KIRREL3: variants seen among roughly 807,000 people sequenced by gnomAD.
The protein encoded by KIRREL3 is kin of IRRE-like protein 3.
In KIRREL3, 36 loss-of-function variants were observed where a neutral mutation model predicts 89.7. The ratio of observed to expected loss-of-function variants is 0.40; its 90% CI spans 0.31 to 0.53. KIRREL3 has a LOEUF of 0.53. Among genes scored for constraint, KIRREL3 ranks in the 20% least tolerant of loss-of-function variants. KIRREL3 has a pLI of 0.49. For synonymous variants in KIRREL3, 445 were observed against 441.4 expected, an observed-to-expected ratio of 1.01 and a Z score of -0.10; for missense variants, 864 against 1,056.6, an observed-to-expected ratio of 0.82 and a Z score of 2.53.
chr11:126,580,046 C>T (rs1385256544), intron 1 of KIRREL3, among the ~76,000 whole-genome samples: 8 of 151,990 alleles, frequency 5.3e-5, no homozygotes, highest in African/African-American at 1.5e-4. Flanking sequence ...GGGGTTTCAC[C>T]GTGTTAGCCA....
intron 11 of KIRREL3, among the ~76,000 whole-genome samples, chr11:126,439,141 G>A (rs1591533027): frequency 6.6e-6 from 1 of 152,074 alleles, no homozygotes; most frequent in East Asian, 1.9e-4. Flanking sequence ...GACCAGCTTG[G>A]CCAACATGGT....
intron 1 of KIRREL3, among the ~76,000 whole-genome samples, chr11:126,679,463 G>A (rs1206616758): frequency 1.3e-5 from 2 of 152,186 alleles, no homozygotes; most frequent in Admixed American, 6.5e-5. Flanking sequence ...CTTTAAGGGA[G>A]CTACTATGAC....
At chr11:126,670,016 C>T (rs375246592) in intron 1 of KIRREL3, among the ~76,000 whole-genome samples, 1 of 152,164 alleles carries the variant, frequency 6.6e-6, no homozygotes, top group African/African-American at 2.4e-5. Context: ...CATTCCTTCT[C>T]CCAGCACATT....
intron 1 of KIRREL3, among the ~76,000 whole-genome samples, chr11:126,633,080 TA>T (rs1299903753): frequency 2.0e-5 from 3 of 151,766 alleles, no homozygotes; most frequent in African/African-American, 7.3e-5. Flanking sequence ...AGACCCTGTC[TA>T]AAAAAAATAA....
chr11:126,622,611 C>A lies in KIRREL3; in HGVS notation c.56-59699G>T, dbSNP rs769463658. Among the ~76,000 whole-genome samples the A allele has an allele frequency of 6.6e-6, 1 of 152,182 alleles. No individual in the cohort carries two copies. Among genetic ancestry groups the A allele is most frequent in the Non-Finnish European group, 1.5e-5 (1 of 68,028 alleles). ...GGCTGAGGCAGAAGAATCACTTGAA[C>A]CCTGGAGGCGGAGGTTGCAGTGAGC... On this transcript the variant is annotated intron_variant, in intron 1 of 16. Coordinates refer to ENST00000525144, the MANE Select transcript of KIRREL3 (RefSeq NM_032531.4). This position sits in a 1 kb window ranked among gnomAD's most constrained non-coding sequence, Gnocchi z 5.2.
rs1170097478 is a variant in KIRREL3, at chr11:126,878,198, A to G, written c.55+122257T>C. On this transcript the variant is annotated intron_variant, in intron 1 of 16. Transcript: ENST00000525144. ...TTCAGATTGAACATCCCATAAGCAC[A>G]TCAAAAACTCCCTGTAGGACATTTA... Among the ~76,000 whole-genome samples the G allele has an allele frequency of 2.0e-5, 3 of 152,226 alleles. No homozygotes were observed. In the East Asian group the frequency reaches 5.8e-4, roughly 29 times the overall value.
At chr11:126,712,432 C>T (rs946336299) in intron 1 of KIRREL3, among the ~76,000 whole-genome samples, 1 of 152,248 alleles carries the variant, frequency 6.6e-6, no homozygotes, top group Admixed American at 6.5e-5. Flanking sequence ...CGAAAGGCCA[C>T]GCCTCTTCAA....
In KIRREL3 at chr11:126,991,180, T is replaced by C. The variant is rs1950024375; in HGVS notation, c.55+9275A>G. Among the ~76,000 whole-genome samples, 1 of 152,176 alleles carries C rather than the reference T, an allele frequency of 6.6e-6. No individual in the cohort carries two copies. The highest frequency in any genetic ancestry group is 1.9e-4 in the East Asian group (1 of 5,194). On this transcript the variant is annotated intron_variant, in intron 1 of 16. Coordinates refer to ENST00000525144, the MANE Select transcript of KIRREL3 (RefSeq NM_032531.4). This position sits in a 1 kb window ranked among gnomAD's most constrained non-coding sequence, Gnocchi z 5.8. ...GTTGTCTCTGGTGACCCAAAGGGCA[T>C]TCAAAGCCTTCCAGAAAGGAACAAC... is the stretch of plus-strand genomic sequence containing the variant.
In KIRREL3 at chr11:126,981,713, T is replaced by A. The variant is rs892176009; in HGVS notation, c.55+18742A>T. On this transcript the variant is annotated intron_variant, in intron 1 of 16. Coordinates refer to ENST00000525144, the MANE Select transcript of KIRREL3 (RefSeq NM_032531.4). This position sits in a 1 kb window ranked among gnomAD's most constrained non-coding sequence, Gnocchi z 4.2. ...ATGCACCCCCATCCTTGGAGTAGGTTCCTGAGCTTGGTGCCTGGGGAACTG... is the reference window on the plus strand; with the variant it reads ...ATGCACCCCCATCCTTGGAGTAGGTACCTGAGCTTGGTGCCTGGGGAACTG... Among the ~76,000 whole-genome samples, 1 of 152,136 alleles carries A rather than the reference T, an allele frequency of 6.6e-6. No individual in the cohort carries two copies. Among genetic ancestry groups the A allele is most frequent in the East Asian group, 1.9e-4 (1 of 5,182 alleles).
rs10893559 is a variant in KIRREL3 at position 126,734,014 on chromosome 11, G to A, written c.56-171102C>T. On this transcript the variant is annotated intron_variant, in intron 1 of 16. Coordinates refer to ENST00000525144, the MANE Select transcript of KIRREL3 (RefSeq NM_032531.4). The surrounding 1 kb of genome is among the most constrained non-coding windows in gnomAD (Gnocchi z 5.9). ...TGAGGTGGGAAGCAGCCCAGAAGAG[G>A]TCAGCGTCTGCCTCTCAAGGTGTGG... is the stretch of plus-strand genomic sequence containing the variant. Among the ~76,000 whole-genome samples the A allele has an allele frequency of 0.41, 62,674 of 152,032 alleles. 14,311 individuals carry two copies. The highest frequency in any genetic ancestry group is 0.89 in the East Asian group (4,578 of 5,168).
Position 126,981,765 on chromosome 11 carries a change from G to C in KIRREL3, c.55+18690C>G, listed in dbSNP as rs1478284920. ...GGAAGGCCCCCGTTTCTACCAAAGA[G>C]GGCCTCTCTCCAAGGTGCCTCCCAG... On this transcript the variant is annotated intron_variant, in intron 1 of 16. Transcript: ENST00000525144. This position sits in a 1 kb window ranked among gnomAD's most constrained non-coding sequence, Gnocchi z 4.2. 6.6e-6 allele frequency among the ~76,000 whole-genome samples: 1 copy of C among 152,130 alleles called. No individual in the cohort carries two copies. Among genetic ancestry groups the C allele is most frequent in the Non-Finnish European group, 1.5e-5 (1 of 68,026 alleles).
At position 126,528,318 on chromosome 11, in the gene KIRREL3, CCA is replaced by C. The variant is rs1958827416; in HGVS notation, c.134-1633_134-1632del. Reference sequence around the variant, plus strand: ...GGGGACAAAAAGCCCCAGGCTTGGGCCACACCTAGGACTGAGCTCTCAGCAAC... The same window carrying C: ...GGGGACAAAAAGCCCCAGGCTTGGGCCACCTAGGACTGAGCTCTCAGCAAC... On this transcript the variant is annotated intron_variant, in intron 2 of 16. Transcript: ENST00000525144. This position sits in a 1 kb window ranked among gnomAD's most constrained non-coding sequence, Gnocchi z 4.6. Among the ~76,000 whole-genome samples, 1 of 152,230 alleles carries C rather than the reference CCA, an allele frequency of 6.6e-6. No homozygotes were observed. Among genetic ancestry groups the C allele is most frequent in the South Asian group, 2.1e-4 (1 of 4,836 alleles).
At chr11:126,679,679 A>G (rs1182884452) in intron 1 of KIRREL3, among the ~76,000 whole-genome samples, 1 of 152,198 alleles carries the variant, frequency 6.6e-6, no homozygotes, top group African/African-American at 2.4e-5. Context: ...GCATAATAGT[A>G]CTCAGTATAA....
rs1370655353 is a variant in KIRREL3 at position 126,940,237 on chromosome 11, A to G, written c.55+60218T>C. On this transcript the variant is annotated intron_variant, in intron 1 of 16. Transcript: ENST00000525144. This position sits in a 1 kb window ranked among gnomAD's most constrained non-coding sequence, Gnocchi z 4.6. ...AGTGTTCTCTCATCAAAAGCATCAT[A>G]ACTCATTTAACATTGAGCCTATATC... Among the ~76,000 whole-genome samples, 1 of 152,218 alleles carries G rather than the reference A, an allele frequency of 6.6e-6. No homozygotes were observed. The highest frequency in any genetic ancestry group is 2.4e-5 in the African/African-American group (1 of 41,458).
Position 126,491,508 on chromosome 11 carries a change from T to A in KIRREL3, c.434-18042A>T, listed in dbSNP as rs1044628106. Among the ~76,000 whole-genome samples, 1 of 152,102 alleles carries A rather than the reference T, an allele frequency of 6.6e-6. No individual in the cohort carries two copies. The highest frequency in any genetic ancestry group is 1.5e-5 in the Non-Finnish European group (1 of 68,024). On this transcript the variant is annotated intron_variant, in intron 4 of 16. Coordinates refer to ENST00000525144, the MANE Select transcript of KIRREL3 (RefSeq NM_032531.4). The surrounding 1 kb of genome is among the most constrained non-coding windows in gnomAD (Gnocchi z 5.5). Reference sequence around the variant, plus strand: ...GCCAGACTGTTGGACTCCAGTGTTGTCTGTCCCCCGAGTCGAGGTCTGGGG... The same window carrying A: ...GCCAGACTGTTGGACTCCAGTGTTGACTGTCCCCCGAGTCGAGGTCTGGGG...
At chr11:126,582,444 G>C (rs28568607) in intron 1 of KIRREL3, among the ~76,000 whole-genome samples, 1 of 152,206 alleles carries the variant, frequency 6.6e-6, no homozygotes, top group African/African-American at 2.4e-5. Context: ...ATCCAGACAC[G>C]GTTCGGGGGT....
chr11:126,455,218 C>T lies in KIRREL3; in HGVS notation c.848+1131G>A, dbSNP rs1956298020. Reference sequence around the variant, plus strand: ...CTGGTGGAAAGAGACCAGGCTGAGTCAGGGCCATGGCAAGTTCCACGTGGC... The same window carrying T: ...CTGGTGGAAAGAGACCAGGCTGAGTTAGGGCCATGGCAAGTTCCACGTGGC... On this transcript the variant is annotated intron_variant, in intron 7 of 16. Transcript: ENST00000525144. This position sits in a 1 kb window ranked among gnomAD's most constrained non-coding sequence, Gnocchi z 6.4. 6.6e-6 allele frequency among the ~76,000 whole-genome samples: 1 copy of T among 152,228 alleles called. No homozygotes were observed. The highest frequency in any genetic ancestry group is 2.4e-5 in the African/African-American group (1 of 41,466).
rs1220437240 is a variant in KIRREL3, at chr11:126,903,550, C to T, written c.55+96905G>A. Among the ~76,000 whole-genome samples the T allele has an allele frequency of 6.6e-6, 1 of 152,196 alleles. No homozygotes were observed. The highest frequency in any genetic ancestry group is 1.5e-5 in the Non-Finnish European group (1 of 68,030). ...CTTTTCTCATTTCCTACTATTATCACATTTCTGGCCTTGACTGCTGAGTTT... is the reference window on the plus strand; with the variant it reads ...CTTTTCTCATTTCCTACTATTATCATATTTCTGGCCTTGACTGCTGAGTTT... On this transcript the variant is annotated intron_variant, in intron 1 of 16. Coordinates refer to ENST00000525144, the MANE Select transcript of KIRREL3 (RefSeq NM_032531.4). This position sits in a 1 kb window ranked among gnomAD's most constrained non-coding sequence, Gnocchi z 4.5.
At chr11:126,629,102 A>G (rs1943911153) in intron 1 of KIRREL3, among the ~76,000 whole-genome samples, 2 of 152,236 alleles carry the variant, frequency 1.3e-5, no homozygotes, top group Middle Eastern at 3.4e-3. Context: ...ACCCCTGCCA[A>G]TGATGCACAT....
Sources: gnomAD v4.1 joint callset for allele counts (sites outside exome capture counted in the v4.1 genomes callset) on GRCh38, gnomAD v4.1.1 for gene constraint, Gnocchi (gnomAD v3.1) non-coding constraint, MANE v1.5 for transcripts, NCBI Gene and HGNC (gene_info 2026-07-23, HGNC 2026-07-21) for gene names.